Variants in PARP15 observed in about 807,000 individuals in gnomAD.
The protein encoded by PARP15 is protein mono-ADP-ribosyltransferase PARP15.
Under a neutral mutation model 62.1 loss-of-function variants are expected in PARP15, and 50 were observed. That is an observed-to-expected ratio of 0.81 (90% CI 0.64 to 1.02). PARP15 has a LOEUF of 1.02. Among genes scored for constraint, PARP15 ranks in the 50% least tolerant of loss-of-function variants. The pLI is 0.00. For synonymous variants in PARP15, 309 were observed against 293.1 expected, an observed-to-expected ratio of 1.05 and a Z score of -0.55; for missense variants, 820 against 826.5, an observed-to-expected ratio of 0.99 and a Z score of 0.10.
In PARP15 at chr3:122,615,855, A is replaced by G. The variant is rs1935930130; in HGVS notation, c.848A>G (p.Gln283Arg). 6.2e-7 allele frequency: 1 copy of G among 1,610,872 alleles called. No individual in the cohort carries two copies. The highest frequency in any genetic ancestry group is 1.3e-5 in the African/African-American group (1 of 74,940). The change falls in exon 5 of 12, where the codon CAA becomes CGA. Residue 283 changes from glutamine to arginine, a missense_variant and splice_region_variant. Coordinates refer to ENST00000464300, the MANE Select transcript of PARP15 (RefSeq NM_001113523.3). ...KARIPMAGDT[Q>R]GVVGTVSKPC... Reference sequence around the variant, plus strand: ...AGGATTCCCATGGCAGGAGATACCCAAGGTCTGGTAAAGTCGTTCTGCTAA... The same window carrying G: ...AGGATTCCCATGGCAGGAGATACCCGAGGTCTGGTAAAGTCGTTCTGCTAA...
In PARP15 at chr3:122,635,968, T is replaced by G; in HGVS notation, c.1905T>G (p.Pro635=). Reference sequence around the variant, plus strand: ...AGGGACGTGCAGGATTAGTCACCCCTCCACCCAAGAATCCTCACAATCCCA... The same window carrying G: ...AGGGACGTGCAGGATTAGTCACCCCGCCACCCAAGAATCCTCACAATCCCA... ...FTKGRAGLVT[P]PPKNPHNPTD... The change falls in exon 12 of 12, where the codon CCT becomes CCG. Residue 635 remains proline, a synonymous_variant. Transcript: ENST00000464300. 1 of 1,614,096 alleles carries G rather than the reference T, an allele frequency of 6.2e-7. No individual in the cohort carries two copies. Among genetic ancestry groups the G allele is most frequent in the Non-Finnish European group, 8.5e-7 (1 of 1,180,008 alleles).
intron 1 of PARP15, among the ~76,000 whole-genome samples, chr3:122,593,560 TTAA>T (rs1307537798): frequency 1.3e-5 from 2 of 152,214 alleles, no homozygotes; most frequent in Admixed American, 1.3e-4. Flanking sequence ...TATTAATAAC[TTAA>T]TATTTCAGTA....
chr3:122,635,222 A>T, intron 11 of PARP15, 28 bp downstream of exon 11: 1 of 1,602,984 alleles, frequency 6.2e-7, no homozygotes, highest in Non-Finnish European at 8.5e-7. Context: ...TTGGCTGATC[A>T]GAATAAGGCA....
At chr3:122,584,086 T>C (rs1313743403) in intron 1 of PARP15, among the ~76,000 whole-genome samples, 3 of 152,202 alleles carry the variant, frequency 2.0e-5, no homozygotes, top group Non-Finnish European at 2.9e-5. Context: ...TATTTGTTTC[T>C]TCTCTCCAAG....
chr3:122,635,923 ACTTACTGGAGT>A lies in PARP15; in HGVS notation c.1864_1874del (p.Thr622HisfsTer23). 1 of 1,614,170 alleles carries A rather than the reference ACTTACTGGAGT, an allele frequency of 6.2e-7. No homozygotes were observed. Among genetic ancestry groups the A allele is most frequent in the East Asian group, 2.2e-5 (1 of 44,880 alleles). On this transcript the variant is annotated frameshift_variant, in exon 12 of 12. Transcript: ENST00000464300. LOFTEE classifies it low-confidence loss of function (END_TRUNC). ...GAAAGCACATGTACGTTGTGCGAGT[ACTTACTGGAGT>A]CTTCACAAAGGGACGTGCAGGATTA... is the stretch of plus-strand genomic sequence containing the variant.
chr3:122,583,416 C>A (rs960172844), intron 1 of PARP15, among the ~76,000 whole-genome samples: 1 of 152,004 alleles, frequency 6.6e-6, no homozygotes, highest in African/African-American at 2.4e-5. Context: ...CGTGAGCCAC[C>A]AAGCACAGTC....
intron 6 of PARP15, 61 bp downstream of exon 6, chr3:122,617,225 G>A (rs766596219): frequency 6.6e-7 from 1 of 1,517,156 alleles, no homozygotes; most frequent in African/African-American, 1.4e-5. Context: ...AAGGGAAATT[G>A]TGGCTAATAT....
At chr3:122,589,421 T>C (rs1933696739) in intron 1 of PARP15, among the ~76,000 whole-genome samples, 1 of 152,222 alleles carries the variant, frequency 6.6e-6, no homozygotes, top group Admixed American at 6.5e-5. Context: ...TGTGGACGTA[T>C]GTTTTCACGC....
At chr3:122,589,887 A>AT (rs1559928879) in intron 1 of PARP15, among the ~76,000 whole-genome samples, 1 of 130,380 alleles carries the variant, frequency 7.7e-6, no homozygotes, top group Admixed American at 8.2e-5. Flanking sequence ...GTAAGGCATA[A>AT]CTTTTTTTTT....
chr3:122,602,853 T>C (rs1934902261), intron 1 of PARP15, among the ~76,000 whole-genome samples: 1 of 152,256 alleles, frequency 6.6e-6, no homozygotes, highest in African/African-American at 2.4e-5. Flanking sequence ...GTTCCATTAG[T>C]TGAGGATTAC....
At chr3:122,603,794 G>A (rs1934977407) in intron 1 of PARP15, among the ~76,000 whole-genome samples, 2 of 152,096 alleles carry the variant, frequency 1.3e-5, no homozygotes, top group Non-Finnish European at 2.9e-5. Context: ...AAATTCTTGA[G>A]CAAATGAAAG....
At chr3:122,622,346 C>A (rs1936403940) in intron 8 of PARP15, among the ~76,000 whole-genome samples, 1 of 152,178 alleles carries the variant, frequency 6.6e-6, no homozygotes, top group Non-Finnish European at 1.5e-5. Context: ...AACAGACACT[C>A]CTCTTGAGCT....
At chr3:122,579,944 A>C (rs1252435501) in intron 1 of PARP15, among the ~76,000 whole-genome samples, 1 of 144,786 alleles carries the variant, frequency 6.9e-6, no homozygotes, top group Non-Finnish European at 1.5e-5. Context: ...GCGCCACTGC[A>C]CTCCAGCCTG....
At chr3:122,600,813 G>T in intron 1 of PARP15, among the ~76,000 whole-genome samples, 1 of 150,872 alleles carries the variant, frequency 6.6e-6, no homozygotes, top group African/African-American at 2.4e-5. Flanking sequence ...TTAAGGAAAG[G>T]ACTTTGTTTT....
chr3:122,593,675 C>T (rs1416024975), intron 1 of PARP15, among the ~76,000 whole-genome samples: 1 of 152,076 alleles, frequency 6.6e-6, no homozygotes, highest in African/African-American at 2.4e-5. Context: ...ATTATAAACA[C>T]ATTTGTTTTC....
intron 4 of PARP15, among the ~76,000 whole-genome samples, chr3:122,613,976 G>T (rs1935765268): frequency 6.6e-6 from 1 of 151,982 alleles, no homozygotes; most frequent in Admixed American, 6.6e-5. Flanking sequence ...CTCCCTAGTA[G>T]CTGGGATTAC....
intron 1 of PARP15, among the ~76,000 whole-genome samples, chr3:122,590,226 C>A (rs1933789618): frequency 6.6e-6 from 1 of 151,202 alleles, no homozygotes; most frequent in African/African-American, 2.4e-5. Flanking sequence ...TCTATACTTA[C>A]CCTCTTTTCT....
intron 8 of PARP15, among the ~76,000 whole-genome samples, chr3:122,625,040 T>A (rs997990193): frequency 2.0e-5 from 3 of 152,102 alleles, no homozygotes; most frequent in African/African-American, 7.2e-5. Context: ...TTTTTTACCA[T>A]TATTATATTC....
At chr3:122,577,928 G>C in intron 1 of PARP15, 75 bp downstream of exon 1, 1 of 1,428,610 alleles carries the variant, frequency 7.0e-7, no homozygotes, top group South Asian at 1.5e-5. Context: ...CCAGCAGCCC[G>C]AGCGGGCGCA....
Sources: gnomAD v4.1 joint callset for allele counts (sites outside exome capture counted in the v4.1 genomes callset) on GRCh38, gnomAD v4.1.1 for gene constraint, MANE v1.5 for transcripts, NCBI Gene and HGNC (gene_info 2026-07-23, HGNC 2026-07-21) for gene names.